The following ZAN variants were observed in gnomAD, a reference collection of about 807,000 sequenced individuals.
The protein encoded by ZAN is zonadhesin (gene/pseudogene).
ZAN carries 260 observed loss-of-function variants against 286.2 expected under a neutral mutation model. The observed-to-expected ratio is 0.91, with a 90% confidence interval of 0.82 to 1.01. The LOEUF is 1.01. Ranked by LOEUF, ZAN falls within the 50% of genes least tolerant of loss-of-function variation. ZAN has a pLI of 0.00. For missense variants in ZAN, 3,410 were observed against 3,639.2 expected (o/e 0.94, Z 1.62); for synonymous variants, 1,368 against 1,417.5 (o/e 0.97, Z 0.79).
chr7:100,738,641 T>C lies in ZAN; in HGVS notation c.766+28T>C, dbSNP rs1807476753. The C allele has an allele frequency of 2.0e-6, 3 of 1,507,138 alleles. 1 individual carries two copies. The highest frequency in any genetic ancestry group is 2.7e-6 in the Non-Finnish European group (3 of 1,098,890). 93.4% of individuals were successfully genotyped at this position (1,507,138 alleles called of 1,614,324 possible). On this transcript the variant is annotated intron_variant, in intron 7 of 47. Coordinates refer to ENST00000613979, the MANE Select transcript of ZAN (RefSeq NM_003386.3). ...GAGTAGCGGCCATGCTTCTGTCCCT[T>C]GACTTTCTGGGCACCAAGCACCCTA...
rs561712334 is a variant in ZAN at position 100,792,391 on chromosome 7, C to A, written c.7713-14C>A. On this transcript the variant is annotated splice_polypyrimidine_tract_variant and intron_variant, in intron 41 of 47. Coordinates refer to ENST00000613979, the MANE Select transcript of ZAN (RefSeq NM_003386.3). The stretch of plus-strand genomic sequence containing the variant: ...CAAACTGACTGTGCCCTTCCTGCCC[C>A]CTCTCTGCACCAGGCACTGCGTGCT... 1 of 1,596,996 alleles carries A rather than the reference C, an allele frequency of 6.3e-7. No homozygotes were observed. The highest frequency in any genetic ancestry group is 2.2e-5 in the East Asian group (1 of 44,500).
chr7:100,779,590 C>T lies in ZAN; in HGVS notation c.6462C>T (p.Ala2154=). The T allele has an allele frequency of 6.2e-7, 1 of 1,609,356 alleles. No individual in the cohort carries two copies. The highest frequency in any genetic ancestry group is 1.1e-5 in the South Asian group (1 of 90,184). The change falls in exon 35 of 48, where the codon GCC becomes GCT. Residue 2154 remains alanine, a synonymous_variant. Transcript: ENST00000613979. The stretch of plus-strand genomic sequence containing the variant: ...GGGCTCCTGTGTGGGCCCAGTGCGC[C>T]TCCCGCATAGACCTCACGCCCTTCC... ...ALRAPVWAQC[A]SRIDLTPFLV...
intron 7 of ZAN, among the ~76,000 whole-genome samples, chr7:100,739,444 A>G (rs1807590142): frequency 7.2e-6 from 1 of 138,194 alleles, no homozygotes; most frequent in African/African-American, 2.6e-5. Context: ...GCAGTTACCG[A>G]CACAAAGTAA....
chr7:100,784,722 C>T lies in ZAN; in HGVS notation c.6722C>T (p.Pro2241Leu). Reference sequence around the variant, plus strand: ...GGCCGGTGTGAGGGCGCCAAAGTCCCCTCTGCCTGCGCTGAGGGCTGCATT... The same window carrying T: ...GGCCGGTGTGAGGGCGCCAAAGTCCTCTCTGCCTGCGCTGAGGGCTGCATT... ...LDGRCEGAKVPSACAEGCICQ... is the reference protein window; with the variant it reads ...LDGRCEGAKVLSACAEGCICQ... The change falls in exon 36 of 48, where the codon CCC (proline) becomes CTC (leucine). Residue 2241 changes from proline (P) to leucine (L), a missense_variant. Physicochemically the swap from Pro to Leu is moderately conservative, Grantham distance 98 (BLOSUM62 -3). Coordinates refer to ENST00000613979, the MANE Select transcript of ZAN (RefSeq NM_003386.3). The T allele has an allele frequency of 1.2e-6, 2 of 1,613,920 alleles. No homozygotes were observed. The highest frequency in any genetic ancestry group is 1.3e-5 in the African/African-American group (1 of 75,030).
rs907641583 is a variant in ZAN at position 100,779,882 on chromosome 7, C to T, written c.6622+132C>T. 4 of 1,040,030 alleles carry T rather than the reference C, an allele frequency of 3.8e-6. No individual in the cohort carries two copies. In the African/African-American group the frequency reaches 6.4e-5, roughly 17 times the overall value. 64.4% of individuals were successfully genotyped at this position (1,040,030 alleles called of 1,614,324 possible). ...GCCCTCATTGTTTCTTTGACAAGGA[C>T]TATTTTTTAATTTTTATATAAAATT... On this transcript the variant is annotated intron_variant, in intron 35 of 47. Coordinates refer to ENST00000613979, the MANE Select transcript of ZAN (RefSeq NM_003386.3).
rs1252001940 is a variant in ZAN at position 100,748,299 on chromosome 7, C to A, written c.1103-25C>A. The A allele has an allele frequency of 1.9e-6, 3 of 1,613,872 alleles. No individual in the cohort carries two copies. In the Admixed American group the frequency reaches 5.0e-5, roughly 27 times the overall value. ...GCTGGAGAGCGTCACTCAACTTGCT[C>A]AAATATCCTATTTTGATCCCCCAGA... On this transcript the variant is annotated intron_variant, in intron 10 of 47. Transcript: ENST00000613979.
chr7:100,757,010 C>T (rs1464952111), intron 15 of ZAN, among the ~76,000 whole-genome samples: 3 of 152,172 alleles, frequency 2.0e-5, no homozygotes, highest in African/African-American at 4.8e-5. Flanking sequence ...TCAGGCGATC[C>T]GCCCGCCTCA....
rs1036337490 is a variant in ZAN at position 100,736,736 on chromosome 7, C to T, written c.254-73C>T. The T allele has an allele frequency of 6.2e-6, 9 of 1,462,884 alleles. 1 individual carries two copies. The Admixed American group carries it at 1.4e-4, about 23-fold the overall frequency. The allele number at this position is 1,462,884 out of a possible 1,614,324, so 90.6% of individuals were successfully genotyped here. ...GCAGCCAGACCTGGATGCCTGGGCT[C>T]TGAGAAGGGGATGGGTGGGGGCAGC... On this transcript the variant is annotated intron_variant, in intron 4 of 47. Transcript: ENST00000613979.
Position 100,755,376 on chromosome 7 carries a change from C to G in ZAN, c.3275C>G (p.Ser1092Cys). The G allele has an allele frequency of 6.2e-7, 1 of 1,613,474 alleles. No individual in the cohort carries two copies. Among genetic ancestry groups the G allele is most frequent in the South Asian group, 1.1e-5 (1 of 91,056 alleles). Residue 1092 changes from serine to cysteine, a missense_variant, in exon 15 of 48, where the codon TCC (serine) becomes TGC (cysteine). Around this residue, in one of 7 missense-constraint regions of ZAN, gnomAD observed 1,042 missense variants for 1,058.0 expected, o/e 0.98. Transcript: ENST00000613979. ...FSDNHCIQAS[S>C]CNCFYNNDYY... ...GACAACCACTGCATCCAGGCCTCTT[C>G]CTGCAATTGCTTCTACAACAACGAC...
chr7:100,747,998 AAAAAG>A, intron 9 of ZAN, 134 bp from the exon 10 acceptor site: 13 of 719,888 alleles, frequency 1.8e-5, no homozygotes, highest in Non-Finnish European at 1.6e-5. Flanking sequence ...AAAAAAAAAA[AAAAAG>A]AAAGAAAGAA....
Position 100,775,525 on chromosome 7 carries a change from A to G in ZAN, c.5977A>G (p.Ile1993Val). 2 of 1,614,000 alleles carry G rather than the reference A, an allele frequency of 1.2e-6. No individual in the cohort carries two copies. The highest frequency in any genetic ancestry group is 1.1e-5 in the South Asian group (1 of 91,084). ...TEAFRLHEVY[I>V]DIYDAQVTLQ... Reference sequence around the variant, plus strand: ...GGCTTTCCGCCTTCATGAGGTCTACATTGACATCTACGATGCCCAGGTCAC... The same window carrying G: ...GGCTTTCCGCCTTCATGAGGTCTACGTTGACATCTACGATGCCCAGGTCAC... Residue 1993 changes from isoleucine to valine, a missense_variant, in exon 32 of 48, where the codon ATT (isoleucine) becomes GTT (valine). Ile to Val is a conservative substitution (Grantham distance 29, BLOSUM62 3). Coordinates refer to ENST00000613979, the MANE Select transcript of ZAN (RefSeq NM_003386.3).
intron 26 of ZAN, 57 bp downstream of exon 26, chr7:100,768,068 G>A (rs1400586014): frequency 2.0e-5 from 31 of 1,545,924 alleles, no homozygotes; most frequent in Non-Finnish European, 2.4e-5. Context: ...CGTGTGACCT[G>A]GTCCCAGCTC....
In ZAN at chr7:100,795,238, G is replaced by T; in HGVS notation, c.8168G>T (p.Cys2723Phe). Residue 2723 changes from cysteine (C) to phenylalanine (F), a missense_variant, in exon 45 of 48, where the codon TGT becomes TTT. This residue lies in a region of ZAN where 1,289 missense variants were observed against 1,314.3 expected (regional missense o/e 0.98). Transcript: ENST00000613979. The part of the protein sequence containing the change: ...LQNPCQNDGQ[C>F]REQGATFTCE... ...AACCCCTGTCAGAATGACGGGCAGT[G>T]TCGGGAGCAGGGAGCCACCTTCACC... The T allele has an allele frequency of 3.7e-6, 6 of 1,611,374 alleles. No homozygotes were observed. The highest frequency in any genetic ancestry group is 5.1e-6 in the Non-Finnish European group (6 of 1,178,822).
intron 28 of ZAN, 22 bp downstream of exon 28, chr7:100,769,996 C>T: frequency 6.5e-7 from 1 of 1,550,024 alleles, no homozygotes; most frequent in Non-Finnish European, 8.7e-7. Context: ...CCCTGCTGGC[C>T]CTTTTTCCTC....
chr7:100,734,185 G>A lies in ZAN; in HGVS notation c.17G>A (p.Trp6Ter). The A allele has an allele frequency of 7.5e-6, 11 of 1,458,946 alleles. 4 individuals carry two copies. Among genetic ancestry groups the A allele is most frequent in the Non-Finnish European group, 1.0e-5 (11 of 1,073,182 alleles). 90.4% of individuals were successfully genotyped at this position (1,458,946 alleles called of 1,614,324 possible). A position where few individuals can be genotyped will look rare whatever the true frequency, so the allele number is the denominator to read the frequency against. The change falls in exon 2 of 48, where the codon TGG becomes TAG. Residue 6 changes from tryptophan to a stop codon, truncating the protein, a stop_gained. Coordinates refer to ENST00000613979, the MANE Select transcript of ZAN (RefSeq NM_003386.3). LOFTEE classifies it high-confidence loss of function. ...AGGGTCCTCATGGTTCCTCCAGTCT[G>A]GACTCTGCTGCTTCTGGTGGGGGCT... is the stretch of plus-strand genomic sequence containing the variant. The part of the protein sequence containing the change: MVPPV[W>*]TLLLLVGAAL...
At position 100,738,736 on chromosome 7, in the gene ZAN, C is replaced by A. The variant is rs560141733; in HGVS notation, c.766+123C>A. 7 of 1,132,822 alleles carry A rather than the reference C, an allele frequency of 6.2e-6. 1 individual carries two copies. Among genetic ancestry groups the A allele is most frequent in the South Asian group, 4.7e-5 (3 of 63,284 alleles). The allele number at this position is 1,132,822 out of a possible 1,614,324, so 70.2% of individuals were successfully genotyped here. A position where few individuals can be genotyped will look rare whatever the true frequency, so the allele number is the denominator to read the frequency against. On this transcript the variant is annotated intron_variant, in intron 7 of 47. Coordinates refer to ENST00000613979, the MANE Select transcript of ZAN (RefSeq NM_003386.3). Reference sequence around the variant, plus strand: ...AAGCCTCTTACCAGCTCAAGTTTCACGCAAGAAGCTGATTTCAAGCACCCA... The same window carrying A: ...AAGCCTCTTACCAGCTCAAGTTTCAAGCAAGAAGCTGATTTCAAGCACCCA...
chr7:100,752,692 A>C lies in ZAN; in HGVS notation c.2587A>C (p.Lys863Gln). The change falls in exon 14 of 48, where the codon AAA (lysine) becomes CAA (glutamine). Residue 863 changes from lysine (K) to glutamine (Q), a missense_variant. Lys to Gln is a moderately conservative substitution (Grantham distance 53, BLOSUM62 1). Coordinates refer to ENST00000613979, the MANE Select transcript of ZAN (RefSeq NM_003386.3). The stretch of plus-strand genomic sequence containing the variant: ...AGAAAAACCCACCATCCCCACAGAA[A>C]AACCCACCATCTCCCCAGAAAAACT... ...STEKPTIPTE[K>Q]PTISPEKLTI... The C allele has an allele frequency of 6.4e-7, 1 of 1,553,084 alleles. No individual in the cohort carries two copies. Among genetic ancestry groups the C allele is most frequent in the African/African-American group, 1.4e-5 (1 of 73,206 alleles).
rs775881128 is a variant in ZAN at position 100,748,140 on chromosome 7, G to T, written c.1027G>T (p.Ala343Ser). The T allele has an allele frequency of 1.2e-6, 2 of 1,613,810 alleles. No individual in the cohort carries two copies. The highest frequency in any genetic ancestry group is 1.7e-6 in the Non-Finnish European group (2 of 1,179,846). The change falls in exon 10 of 48, where the codon GCC (alanine) becomes TCC (serine). Residue 343 changes from alanine (A) to serine (S), a missense_variant. Physicochemically the swap from Ala to Ser is moderately conservative, Grantham distance 99. Around this residue, in one of 7 missense-constraint regions of ZAN, gnomAD observed 872 missense variants for 938.9 expected, o/e 0.93. Coordinates refer to ENST00000613979, the MANE Select transcript of ZAN (RefSeq NM_003386.3). ...NYTAVGRIQF[A>S]VVGVFGKTPE... ...CTCCATCTCCCTTTCTCTCCAGTTT[G>T]CCGTGGTAGGCGTTTTTGGAAAGAC... is the stretch of plus-strand genomic sequence containing the variant.
intron 35 of ZAN, among the ~76,000 whole-genome samples, chr7:100,783,733 C>CAAAAAAAAAAA (rs67004319): frequency 8.9e-5 from 1 of 11,242 alleles, no homozygotes; most frequent in Non-Finnish European, 1.6e-4. Flanking sequence ...CCGTCCCCCG[C>CAAAAAAAAAAA]AAAAAAAAAA....
Sources: gnomAD v4.1 joint callset for allele counts (sites outside exome capture counted in the v4.1 genomes callset) on GRCh38, gnomAD v4.1.1 for gene constraint, gnomAD v4.1.1 regional missense constraint, MANE v1.5 for transcripts, NCBI Gene and HGNC (gene_info 2026-07-23, HGNC 2026-07-21) for gene names.